The following MKLN1 variants were observed in gnomAD, a reference collection of about 807,000 sequenced individuals.
The protein encoded by MKLN1 is muskelin 1.
MKLN1 carries 18 observed loss-of-function variants against 99.0 expected under a neutral mutation model. The observed-to-expected ratio is 0.18, with a 90% confidence interval of 0.13 to 0.27. The LOEUF (loss-of-function observed/expected upper bound fraction) is 0.27. Among genes scored for constraint, MKLN1 ranks in the 10% least tolerant of loss-of-function variants. The probability of loss-of-function intolerance (pLI) is 1.00; values close to 1 mark genes in which losing one functional copy is unlikely to be tolerated. For missense variants in MKLN1, 621 were observed against 875.9 expected (o/e 0.71, Z 3.67); for synonymous variants, 288 against 293.2 (o/e 0.98, Z 0.18).
At chr7:131,452,148 G>A (rs535010594) in intron 12 of MKLN1, among the ~76,000 whole-genome samples, 76 of 152,242 alleles carry the variant, frequency 5.0e-4, no homozygotes, top group African/African-American at 1.4e-3. Flanking sequence ...TGAAAGAATA[G>A]CAAATTGAGA....
chr7:131,319,914 C>T (rs1372723246), intron 3 of MKLN1, among the ~76,000 whole-genome samples: 1 of 152,114 alleles, frequency 6.6e-6, no homozygotes. Flanking sequence ...CAAACCACTG[C>T]TCAAGGAAAT....
chr7:131,263,067 G>A (rs1457036759), intron 3 of MKLN1, among the ~76,000 whole-genome samples: 1 of 152,136 alleles, frequency 6.6e-6, no homozygotes, highest in Non-Finnish European at 1.5e-5. Context: ...CTTGATAAGA[G>A]TGAAACGTTT....
At chr7:131,279,380 C>T (rs1183433464) in intron 3 of MKLN1, among the ~76,000 whole-genome samples, 1 of 152,116 alleles carries the variant, frequency 6.6e-6, no homozygotes, top group African/African-American at 2.4e-5. Flanking sequence ...ATGCAAAGAT[C>T]CTGAGAGAGA....
At chr7:131,268,637 T>C (rs541061750) in intron 3 of MKLN1, among the ~76,000 whole-genome samples, 18 of 152,276 alleles carry the variant, frequency 1.2e-4, no homozygotes, top group African/African-American at 4.3e-4. Context: ...AGGACTGTTA[T>C]GGGCCAGATC....
At chr7:131,233,637 ATATGAGGTAT>A (rs1797275302) in intron 3 of MKLN1, among the ~76,000 whole-genome samples, 2 of 151,808 alleles carry the variant, frequency 1.3e-5, no homozygotes, top group Non-Finnish European at 2.9e-5. Flanking sequence ...ACATAAAAAT[ATATGAGGTAT>A]AAAATGGTTT....
intron 12 of MKLN1, among the ~76,000 whole-genome samples, chr7:131,452,708 G>A (rs1796218804): frequency 6.6e-6 from 1 of 151,764 alleles, no homozygotes; most frequent in Non-Finnish European, 1.5e-5. Flanking sequence ...GCGCCACTAC[G>A]CCCAGCTAAT....
chr7:131,389,437 G>C (rs1045043317), intron 4 of MKLN1, among the ~76,000 whole-genome samples: 1 of 151,886 alleles, frequency 6.6e-6, no homozygotes, highest in African/African-American at 2.4e-5. Flanking sequence ...GTTATTATCA[G>C]TTGTGTTCTT....
chr7:131,450,716 A>G (rs895731970), intron 12 of MKLN1, among the ~76,000 whole-genome samples: 4 of 152,174 alleles, frequency 2.6e-5, no homozygotes, highest in African/African-American at 9.7e-5. Context: ...TCCAAAATCT[A>G]GCTAACTTGT....
In MKLN1 at chr7:131,174,861, A is replaced by G. The variant is rs1221551125; in HGVS notation, c.-296-27996A>G. ...TACTCTTGAGTAGAGTTATAGAACAAGAGCAAGTACAGACTAAGTTTCCAG... is the reference window on the plus strand; with the variant it reads ...TACTCTTGAGTAGAGTTATAGAACAGGAGCAAGTACAGACTAAGTTTCCAG... On this transcript the variant is annotated intron_variant, in intron 2 of 7. Transcript: ENST00000416992. Among the ~76,000 whole-genome samples, 3 of 152,242 alleles carry G rather than the reference A, an allele frequency of 2.0e-5. No homozygotes were observed. In the East Asian group the frequency reaches 5.8e-4, roughly 29 times the overall value.
At chr7:131,479,651 C>T (rs558054369) in intron 17 of MKLN1, among the ~76,000 whole-genome samples, 2 of 151,500 alleles carry the variant, frequency 1.3e-5, no homozygotes, top group African/African-American at 4.8e-5. Context: ...ACAGTGAAAC[C>T]CCATCTCTAC....
chr7:131,300,829 A>C (rs1224824020), intron 3 of MKLN1, among the ~76,000 whole-genome samples: 1 of 152,154 alleles, frequency 6.6e-6, no homozygotes, highest in Non-Finnish European at 1.5e-5. Context: ...TATTCAAATC[A>C]TTTTAATTGT....
At chr7:131,226,995 C>T (rs980154389) in intron 3 of MKLN1, among the ~76,000 whole-genome samples, 1 of 152,156 alleles carries the variant, frequency 6.6e-6, no homozygotes, top group African/African-American at 2.4e-5. Flanking sequence ...TTGCCTTTCC[C>T]ACTCAAAAAT....
chr7:131,137,099 C>T lies in MKLN1; in HGVS notation c.-418-5721C>T, dbSNP rs567649981. Among the ~76,000 whole-genome samples the T allele has an allele frequency of 2.6e-5, 4 of 152,212 alleles. No individual in the cohort carries two copies. In the South Asian group the frequency reaches 8.3e-4, roughly 32 times the overall value. On this transcript the variant is annotated intron_variant, in intron 1 of 7. Coordinates refer to the MKLN1 transcript ENST00000416992. ...AACTCCTGGGCTTAAGTAATCCACC[C>T]ACCTCGGCCTTCCAAAATGCAGGGG...
chr7:131,194,068 G>A (rs1325062581), intron 2 of MKLN1, among the ~76,000 whole-genome samples: 1 of 146,016 alleles, frequency 6.8e-6, no homozygotes, highest in Non-Finnish European at 1.5e-5. Context: ...TTGAACTCCT[G>A]GGCTCAAACA....
chr7:131,166,970 T>C (rs1055707425), intron 2 of MKLN1, among the ~76,000 whole-genome samples: 8 of 152,064 alleles, frequency 5.3e-5, no homozygotes, highest in African/African-American at 1.9e-4. Context: ...GGATTACAGG[T>C]GTGAGCCACT....
At chr7:131,172,347 G>A (rs989399251) in intron 2 of MKLN1, among the ~76,000 whole-genome samples, 3 of 150,578 alleles carry the variant, frequency 2.0e-5, no homozygotes, top group Admixed American at 6.7e-5. Context: ...ATGGAGTCTC[G>A]CTCTGTCACC....
intron 3 of MKLN1, among the ~76,000 whole-genome samples, chr7:131,291,745 G>T (rs187284281): frequency 4.6e-4 from 65 of 141,380 alleles, no homozygotes; most frequent in African/African-American, 1.6e-3. Context: ...CTACAGAGGT[G>T]AGTTAGTTGG....
intron 16 of MKLN1, among the ~76,000 whole-genome samples, chr7:131,476,610 GA>G (rs1476201525): frequency 6.6e-6 from 1 of 152,198 alleles, no homozygotes; most frequent in South Asian, 2.1e-4. Context: ...GATAAATGGA[GA>G]GATATATTTA....
intron 8 of MKLN1, among the ~76,000 whole-genome samples, chr7:131,428,812 A>C (rs1795435382): frequency 6.6e-6 from 1 of 152,190 alleles, no homozygotes. Context: ...GTATTTTTAT[A>C]AATCTCTCAA....
Sources: allele counts gnomAD v4.1 joint callset (sites outside exome capture counted in the v4.1 genomes callset), GRCh38; gene constraint gnomAD v4.1.1; transcripts MANE v1.5; gene names NCBI Gene and HGNC (gene_info 2026-07-23, HGNC 2026-07-21).